Variants in CWC27 observed in about 807,000 individuals in gnomAD.
The protein encoded by CWC27 is CWC27 spliceosome associated cyclophilin.
In CWC27, 47 loss-of-function variants were observed where a neutral mutation model predicts 63.6. The ratio of observed to expected loss-of-function variants is 0.74; its 90% confidence interval spans 0.58 to 0.94. The LOEUF is 0.94. Among genes scored for constraint, CWC27 ranks in the 40% least tolerant of loss-of-function variants. The pLI, the probability that CWC27 is intolerant of heterozygous loss-of-function variation, is 0.00. For synonymous variants in CWC27, 175 were observed against 179.8 expected (o/e 0.97, Z 0.22); for missense variants, 495 against 554.3 (o/e 0.89, Z 1.07).
Position 64,826,813 on chromosome 5 carries a change from C to A in CWC27, c.938+22427C>A, listed in dbSNP as rs543280489. Among the ~76,000 whole-genome samples the A allele has an allele frequency of 4.0e-3, 595 of 150,432 alleles. 7 individuals carry two copies. The highest frequency in any genetic ancestry group is 0.013 in the African/African-American group (541 of 40,906). On this transcript the variant is annotated intron_variant, in intron 10 of 13. Coordinates refer to ENST00000381070, the MANE Select transcript of CWC27 (RefSeq NM_005869.4). ...GAAATCTTAGTTTCCTTTTCATTAT[C>A]CAAGATAAATTTTTAGTTGGTAAAT...
At chr5:64,991,130 G>C (rs1749529376) in intron 13 of CWC27, among the ~76,000 whole-genome samples, 1 of 152,220 alleles carries the variant, frequency 6.6e-6, no homozygotes, top group Non-Finnish European at 1.5e-5. Flanking sequence ...TGCTTTCACA[G>C]TCATTGGCAA....
intron 10 of CWC27, among the ~76,000 whole-genome samples, chr5:64,856,835 C>T (rs1746269983): frequency 6.6e-6 from 1 of 152,046 alleles, no homozygotes; most frequent in Non-Finnish European, 1.5e-5. Context: ...CTCTGAAAAT[C>T]AATTCTGCAT....
chr5:64,983,185 A>G (rs1749359023), intron 13 of CWC27, among the ~76,000 whole-genome samples: 1 of 152,202 alleles, frequency 6.6e-6, no homozygotes, highest in African/African-American at 2.4e-5. Flanking sequence ...TATATGGAAT[A>G]TATCTATTAA....
intron 1 of CWC27, among the ~76,000 whole-genome samples, chr5:64,771,508 A>G (rs569292141): frequency 2.6e-5 from 4 of 152,322 alleles, no homozygotes; most frequent in Admixed American, 2.6e-4. Context: ...AAAGTTTTTA[A>G]GCATAAGAGG....
chr5:64,863,039 T>A (rs564920409), intron 10 of CWC27, among the ~76,000 whole-genome samples: 2 of 152,294 alleles, frequency 1.3e-5, no homozygotes, highest in South Asian at 4.2e-4. Context: ...GGGAATTAAG[T>A]TTCAACATAT....
chr5:64,885,417 C>T lies in CWC27; in HGVS notation c.939-26C>T, dbSNP rs759179669. The T allele has an allele frequency of 6.7e-6, 10 of 1,483,002 alleles. No individual in the cohort carries two copies. In the East Asian group the frequency reaches 2.1e-4, roughly 32 times the overall value. 91.9% of individuals were successfully genotyped at this position (1,483,002 alleles called of 1,614,324 possible). On this transcript the variant is annotated intron_variant, in intron 10 of 13. Coordinates refer to ENST00000381070, the MANE Select transcript of CWC27 (RefSeq NM_005869.4). ...ACTTTTACTCTCAATATATTATATA[C>T]TTATATAACTCTTTTTGCTTTATAG...
intron 2 of CWC27, among the ~76,000 whole-genome samples, chr5:64,776,639 T>C (rs1020081232): frequency 2.6e-5 from 4 of 152,128 alleles, no homozygotes; most frequent in African/African-American, 9.7e-5. Flanking sequence ...GAAGACTGAT[T>C]TAAACAAGGA....
rs11396601 is a variant in CWC27, at chr5:65,009,002, T to TAA, written c.1257-9148_1257-9147dup. Among the ~76,000 whole-genome samples the TAA allele has an allele frequency of 6.7e-3, 1,001 of 150,328 alleles. 16 individuals are homozygous for TAA. The highest frequency in any genetic ancestry group is 0.023 in the African/African-American group (954 of 40,994). On this transcript the variant is annotated intron_variant, in intron 13 of 13. Coordinates refer to ENST00000381070, the MANE Select transcript of CWC27 (RefSeq NM_005869.4). ...AATGCCTGATGCTGGGTAATTTATT[T>TAA]AAAAAAAAAATGAGGCTTATTTGGC...
intron 11 of CWC27, among the ~76,000 whole-genome samples, chr5:64,968,662 A>T (rs1561173695): frequency 1.3e-5 from 2 of 152,186 alleles, no homozygotes; most frequent in Non-Finnish European, 1.5e-5. Flanking sequence ...GCCAGAAAGC[A>T]GATCGCTGAT....
intron 11 of CWC27, among the ~76,000 whole-genome samples, chr5:64,956,204 T>A (rs188089952): frequency 1.3e-4 from 20 of 152,290 alleles, no homozygotes; most frequent in Non-Finnish European, 2.2e-4. Flanking sequence ...ATAAAAATTT[T>A]TATAAGAGGC....
chr5:65,003,726 A>G (rs1467717717), intron 13 of CWC27, among the ~76,000 whole-genome samples: 1 of 152,082 alleles, frequency 6.6e-6, no homozygotes, highest in Non-Finnish European at 1.5e-5. Context: ...GTATCATCCC[A>G]GTCTTTCCCT....
At chr5:64,902,567 T>C (rs962472998) in intron 11 of CWC27, among the ~76,000 whole-genome samples, 1 of 152,210 alleles carries the variant, frequency 6.6e-6, no homozygotes, top group Admixed American at 6.5e-5. Flanking sequence ...TATATATGGG[T>C]CTATTCTGTC....
intron 10 of CWC27, among the ~76,000 whole-genome samples, chr5:64,809,335 AT>A (rs1744796768): frequency 6.6e-6 from 1 of 152,164 alleles, no homozygotes; most frequent in African/African-American, 2.4e-5. Context: ...TTTGAAGTAC[AT>A]TAACTGTGGT....
intron 11 of CWC27, among the ~76,000 whole-genome samples, chr5:64,915,500 C>T (rs571497817): frequency 3.9e-5 from 6 of 152,276 alleles, no homozygotes; most frequent in African/African-American, 1.2e-4. Flanking sequence ...AACTTGTGTA[C>T]TTTCCAGTAT....
intron 11 of CWC27, among the ~76,000 whole-genome samples, chr5:64,970,506 C>T (rs1253770806): frequency 1.3e-5 from 2 of 152,156 alleles, no homozygotes; most frequent in African/African-American, 4.8e-5. Context: ...GCCACCACGC[C>T]CGGCCGAAAG....
chr5:64,784,359 A>C (rs186274830), intron 4 of CWC27, among the ~76,000 whole-genome samples: 4 of 152,308 alleles, frequency 2.6e-5, no homozygotes, highest in Admixed American at 2.6e-4. Flanking sequence ...TCTTAAGTTT[A>C]AAGTGGAATT....
At chr5:64,840,481 A>C (rs1230515108) in intron 10 of CWC27, among the ~76,000 whole-genome samples, 1 of 140,334 alleles carries the variant, frequency 7.1e-6, no homozygotes, top group Non-Finnish European at 1.5e-5. Flanking sequence ...TGGAAAAAAA[A>C]CTTTTTTTCT....
At chr5:64,865,049 A>C (rs1746502393) in intron 10 of CWC27, among the ~76,000 whole-genome samples, 1 of 152,024 alleles carries the variant, frequency 6.6e-6, no homozygotes. Flanking sequence ...TTTTTGAAAT[A>C]GTTATTCCAC....
chr5:64,867,180 G>C (rs539801957), intron 10 of CWC27, among the ~76,000 whole-genome samples: 1 of 152,036 alleles, frequency 6.6e-6, no homozygotes, highest in Non-Finnish European at 1.5e-5. Flanking sequence ...AGGAAGTTTT[G>C]TATAAATTTT....
Sources: allele counts gnomAD v4.1 joint callset (sites outside exome capture counted in the v4.1 genomes callset), GRCh38; gene constraint gnomAD v4.1.1; transcripts MANE v1.5; gene names NCBI Gene and HGNC (gene_info 2026-07-23, HGNC 2026-07-21).